NTNG2: variants seen among roughly 807,000 people sequenced by gnomAD.
NTNG2 encodes the protein netrin-G2.
NTNG2 carries 15 observed loss-of-function variants against 47.6 expected under a neutral mutation model. The ratio of observed to expected loss-of-function variants is 0.32; its 90% CI spans 0.21 to 0.49. The LOEUF is 0.49. Ranked by LOEUF, NTNG2 falls within the 20% of genes least tolerant of loss-of-function variation. NTNG2 has a pLI of 0.99. For synonymous variants in NTNG2, 307 were observed against 324.6 expected (o/e 0.95, Z 0.58); for missense variants, 578 against 764.6 (o/e 0.76, Z 2.88).
In NTNG2 at chr9:132,243,697, G is replaced by C. The variant is rs1842114219; in HGVS notation, c.*1586G>C. 1 of 152,334 alleles carries C rather than the reference G, an allele frequency of 6.6e-6. No individual in the cohort carries two copies. Among genetic ancestry groups the C allele is most frequent in the Non-Finnish European group, 1.5e-5 (1 of 68,112 alleles). 9.4% of individuals were successfully genotyped at this position (152,334 alleles called of 1,614,324 possible). On this transcript the variant is annotated 3_prime_UTR_variant, in exon 8 of 8. Coordinates refer to ENST00000393229, the MANE Select transcript of NTNG2 (RefSeq NM_032536.4). ...TCCCAGCTGCGAGGTTTAGACCTGG[G>C]TCCTTCCCTTGAGTCCCCAAAGCTA...
In NTNG2 at chr9:132,162,504, TC is replaced by T. The variant is rs1835107523; in HGVS notation, c.-484+270del. Among the ~76,000 whole-genome samples the T allele has an allele frequency of 1.3e-5, 2 of 150,238 alleles. No homozygotes were observed. Among genetic ancestry groups the T allele is most frequent in the Non-Finnish European group, 1.5e-5 (1 of 67,750 alleles). ...GGGTAGCTTGTCTTTCTGGCCAGCT[TC>T]CCCCGGGTCCTTTCCGTCGTGTGTG... On this transcript the variant is annotated intron_variant, in intron 1 of 7. Transcript: ENST00000393229. This position sits in a 1 kb window ranked among gnomAD's most constrained non-coding sequence, Gnocchi z 4.6.
Position 132,180,870 on chromosome 9 carries a change from A to G in NTNG2, c.213+13826A>G, listed in dbSNP as rs1241221207. ...GCTCTTCCTAGAACCACGCATGTGC[A>G]CACGTGTGTGCAAACACTGGGCTCA... On this transcript the variant is annotated intron_variant, in intron 2 of 7. Transcript: ENST00000393229. The surrounding 1 kb of genome is among the most constrained non-coding windows in gnomAD (Gnocchi z 4.2). Among the ~76,000 whole-genome samples the G allele has an allele frequency of 6.6e-6, 1 of 152,178 alleles. No individual in the cohort carries two copies. Among genetic ancestry groups the G allele is most frequent in the Non-Finnish European group, 1.5e-5 (1 of 68,036 alleles).
At chr9:132,241,398 G>A (rs1053796291) in intron 7 of NTNG2, 10 of 377,188 alleles carry the variant, frequency 2.7e-5, no homozygotes, top group East Asian at 5.7e-5. Context: ...TCCGGGGCCG[G>A]GCCGAGGGGC....
At chr9:132,228,095 G>A (rs553928842) in intron 4 of NTNG2, among the ~76,000 whole-genome samples, 24 of 152,362 alleles carry the variant, frequency 1.6e-4, no homozygotes, top group East Asian at 5.8e-4. Flanking sequence ...GCATGCCAAC[G>A]CCAGGGCTTA....
intron 3 of NTNG2, among the ~76,000 whole-genome samples, chr9:132,219,471 G>A (rs1840208936): frequency 6.6e-6 from 1 of 151,016 alleles, no homozygotes; most frequent in South Asian, 2.1e-4. Flanking sequence ...TACTTAGCAG[G>A]CTGAGGCAGG....
chr9:132,209,600 C>T (rs906967752), intron 3 of NTNG2, among the ~76,000 whole-genome samples: 1 of 152,160 alleles, frequency 6.6e-6, no homozygotes, highest in Admixed American at 6.5e-5. Context: ...AGGAGGCCAG[C>T]GTGGGCCCAT....
chr9:132,225,577 T>C (rs1840695643), intron 3 of NTNG2, among the ~76,000 whole-genome samples: 1 of 152,192 alleles, frequency 6.6e-6, no homozygotes, highest in Admixed American at 6.5e-5. Flanking sequence ...GCCTGTGTGG[T>C]TCTCTAAAAG....
intron 6 of NTNG2, chr9:132,240,651 G>C: frequency 1.7e-6 from 1 of 578,824 alleles, no homozygotes; most frequent in Non-Finnish European, 3.1e-6. Context: ...GCTGACCCAG[G>C]CCACACCAGT....
intron 3 of NTNG2, among the ~76,000 whole-genome samples, chr9:132,205,490 A>G (rs1839100742): frequency 1.3e-5 from 2 of 152,214 alleles, no homozygotes. Context: ...TAATGGAGAC[A>G]GCTTCAGTTT....
intron 3 of NTNG2, among the ~76,000 whole-genome samples, chr9:132,214,708 C>T (rs183239527): frequency 1.2e-4 from 18 of 152,148 alleles, no homozygotes; most frequent in African/African-American, 3.4e-4. Flanking sequence ...ACGGGTGAGC[C>T]GGGTAGCAGG....
intron 2 of NTNG2, among the ~76,000 whole-genome samples, chr9:132,169,849 G>C (rs914967993): frequency 6.6e-6 from 1 of 152,112 alleles, no homozygotes; most frequent in Non-Finnish European, 1.5e-5. Context: ...CTTCTTCCCC[G>C]GGCTCCTTTG....
intron 2 of NTNG2, among the ~76,000 whole-genome samples, chr9:132,181,038 G>T (rs1306919858): frequency 6.6e-6 from 1 of 152,240 alleles, no homozygotes; most frequent in Non-Finnish European, 1.5e-5. Flanking sequence ...TACCCTCAGG[G>T]AAATCAGGGT....
intron 2 of NTNG2, among the ~76,000 whole-genome samples, chr9:132,176,765 CA>C (rs1351614268): frequency 1.3e-5 from 2 of 152,164 alleles, no homozygotes; most frequent in African/African-American, 2.4e-5. Context: ...GGGGAGCCAC[CA>C]AACTGTTTTC....
Position 132,182,884 on chromosome 9 carries a change from C to G in NTNG2, c.214-15082C>G, listed in dbSNP as rs1386061342. On this transcript the variant is annotated intron_variant, in intron 2 of 7. Coordinates refer to ENST00000393229, the MANE Select transcript of NTNG2 (RefSeq NM_032536.4). This position sits in a 1 kb window ranked among gnomAD's most constrained non-coding sequence, Gnocchi z 4.2. ...CTTGCCTGGGAGCTTTTCATTCCCC[C>G]CCTGCCGCAGCTGCCCCCCAGACCA... Among the ~76,000 whole-genome samples the G allele has an allele frequency of 1.3e-5, 2 of 152,142 alleles. No homozygotes were observed. The highest frequency in any genetic ancestry group is 1.9e-4 in the East Asian group (1 of 5,168).
At chr9:132,216,661 G>A (rs77920123) in intron 3 of NTNG2, among the ~76,000 whole-genome samples, 3 of 152,038 alleles carry the variant, frequency 2.0e-5, no homozygotes, top group East Asian at 1.9e-4. Context: ...GTGCTGTGTC[G>A]GGGGATCAGG....
intron 3 of NTNG2, among the ~76,000 whole-genome samples, chr9:132,213,528 A>C (rs1270804602): frequency 6.6e-6 from 1 of 152,120 alleles, no homozygotes; most frequent in Non-Finnish European, 1.5e-5. Flanking sequence ...CCAGGTCCCC[A>C]ACCCCAGCTC....
Position 132,162,566 on chromosome 9 carries a change from CAG to C in NTNG2, c.-484+330_-484+331del, listed in dbSNP as rs1370053164. On this transcript the variant is annotated intron_variant, in intron 1 of 7. Coordinates refer to ENST00000393229, the MANE Select transcript of NTNG2 (RefSeq NM_032536.4). This position sits in a 1 kb window ranked among gnomAD's most constrained non-coding sequence, Gnocchi z 4.6. ...TGTGTGTGTGTGTGTGAGAGAGAGA[CAG>C]AGTGTGTGTGTGTGTGTGTGTGTGT... 7.3e-4 allele frequency among the ~76,000 whole-genome samples: 26 copies of C among 35,488 alleles called. No individual in the cohort carries two copies. The highest frequency in any genetic ancestry group is 2.6e-3 in the African/African-American group (19 of 7,242). 23.3% of individuals were successfully genotyped at this position (35,488 alleles called of 152,430 possible). A position where few individuals can be genotyped will look rare whatever the true frequency, so the allele number is the denominator to read the frequency against.
chr9:132,239,082 T>C, intron 5 of NTNG2, 22 bp from the exon 6 acceptor site: 1 of 1,607,810 alleles, frequency 6.2e-7, no homozygotes, highest in Non-Finnish European at 8.5e-7. Context: ...CCATTGGTAT[T>C]TCTCCCACTT....
chr9:132,229,132 A>G (rs1841010115), intron 4 of NTNG2, among the ~76,000 whole-genome samples: 1 of 152,070 alleles, frequency 6.6e-6, no homozygotes, highest in African/African-American at 2.4e-5. Flanking sequence ...CCCAAGCCCC[A>G]GGAAGGAGGG....
Sources: allele counts gnomAD v4.1 joint callset (sites outside exome capture counted in the v4.1 genomes callset), GRCh38; gene constraint gnomAD v4.1.1; non-coding constraint Gnocchi (gnomAD v3.1); transcripts MANE v1.5; gene names NCBI Gene and HGNC (gene_info 2026-07-23, HGNC 2026-07-21).